The following CCSER1 variants were observed in gnomAD, a reference collection of about 807,000 sequenced individuals.
CCSER1 encodes the protein coiled-coil serine rich protein 1.
In CCSER1, 41 loss-of-function variants were observed where a neutral mutation model predicts 82.0. The observed-to-expected ratio is 0.50, with a 90% confidence interval of 0.39 to 0.65. The LOEUF (loss-of-function observed/expected upper bound fraction) is 0.65. Among genes scored for constraint, CCSER1 ranks in the 30% least tolerant of loss-of-function variants. CCSER1 has a pLI of 0.00. For missense variants in CCSER1, 1,119 were observed against 1,064.2 expected (o/e 1.05, Z -0.72); for synonymous variants, 414 against 383.9 (o/e 1.08, Z -0.92).
At chr4:90,158,338 C>T (rs1728719090) in intron 1 of CCSER1, among the ~76,000 whole-genome samples, 1 of 152,324 alleles carries the variant, frequency 6.6e-6, no homozygotes, top group African/African-American at 2.4e-5. Context: ...CAGGGACCCA[C>T]TTGAGGAGGC....
chr4:90,160,721 G>A (rs1262197740), intron 1 of CCSER1, among the ~76,000 whole-genome samples: 2 of 152,136 alleles, frequency 1.3e-5, no homozygotes, highest in African/African-American at 2.4e-5. Flanking sequence ...ATGCAATGAA[G>A]CCTGATATTG....
At chr4:90,938,683 G>T in intron 9 of CCSER1, 1 of 386,842 alleles carries the variant, frequency 2.6e-6, no homozygotes, top group Non-Finnish European at 5.3e-6. Flanking sequence ...AAGGCCCTGT[G>T]GAATCCTACA....
At chr4:90,551,706 C>CTCTCTCTCTCTATATATATATA in intron 5 of CCSER1, among the ~76,000 whole-genome samples, 61 of 104,222 alleles carry the variant, frequency 5.9e-4, no homozygotes, top group African/African-American at 1.0e-3. Flanking sequence ...CTCTCTCTCT[C>CTCTCTCTCTCTATATATATATA]TATATATATA....
At chr4:90,288,230 T>G (rs574076218) in intron 1 of CCSER1, among the ~76,000 whole-genome samples, 1 of 152,044 alleles carries the variant, frequency 6.6e-6, no homozygotes, top group South Asian at 2.1e-4. Flanking sequence ...ACCTCTAAGT[T>G]CCTGACACTT....
chr4:91,022,633 A>C (rs563176147), intron 9 of CCSER1, among the ~76,000 whole-genome samples: 1,848 of 152,268 alleles, frequency 0.012, 11 homozygotes, highest in Non-Finnish European at 0.018. Flanking sequence ...CCAACAGCGT[A>C]AAAGTGTTCT....
rs536614276 is a variant in CCSER1, at chr4:90,903,501, C to G, written c.2095-19869C>G. ...CATGAAAACAGACTAATATACATAT[C>G]AAGCAACTTCTCAGACCACAGTGCA... On this transcript the variant is annotated intron_variant, in intron 8 of 10. Coordinates refer to ENST00000509176, the MANE Select transcript of CCSER1 (RefSeq NM_001145065.2). Among the ~76,000 whole-genome samples the G allele has an allele frequency of 5.9e-5, 9 of 152,172 alleles. No homozygotes were observed. The East Asian group carries it at 9.7e-4, about 16-fold the overall frequency.
chr4:90,320,942 G>A (rs919344826), intron 3 of CCSER1, among the ~76,000 whole-genome samples: 1 of 151,998 alleles, frequency 6.6e-6, no homozygotes, highest in African/African-American at 2.4e-5. Flanking sequence ...GTACATAATA[G>A]GTGGATATAT....
chr4:90,577,270 C>G (rs1026593224), intron 5 of CCSER1, among the ~76,000 whole-genome samples: 1 of 151,890 alleles, frequency 6.6e-6, no homozygotes, highest in South Asian at 2.1e-4. Context: ...CGATTTTTTT[C>G]CAATATTTAC....
chr4:90,889,279 A>C (rs1408414803), intron 8 of CCSER1, among the ~76,000 whole-genome samples: 1 of 152,176 alleles, frequency 6.6e-6, no homozygotes, highest in Admixed American at 6.5e-5. Context: ...AGAATTAAAA[A>C]GCCTTAATTA....
intron 6 of CCSER1, among the ~76,000 whole-genome samples, chr4:90,682,151 A>T (rs545299008): frequency 6.1e-4 from 93 of 152,018 alleles, no homozygotes; most frequent in Admixed American, 1.4e-3. Context: ...GTGTAGGTAA[A>T]TCATCTTGGA....
At chr4:91,537,577 A>T (rs536710694) in intron 10 of CCSER1, among the ~76,000 whole-genome samples, 1 of 152,016 alleles carries the variant, frequency 6.6e-6, no homozygotes, top group Non-Finnish European at 1.5e-5. Flanking sequence ...GATCTTTTGT[A>T]TTGGTTCGAG....
chr4:91,231,183 T>C (rs1032268906), intron 10 of CCSER1, among the ~76,000 whole-genome samples: 51 of 151,774 alleles, frequency 3.4e-4, no homozygotes, highest in African/African-American at 1.2e-3. Flanking sequence ...ATGGCATACA[T>C]AAAATAAGGG....
chr4:90,431,389 C>T (rs992854352), intron 4 of CCSER1, among the ~76,000 whole-genome samples: 3 of 151,908 alleles, frequency 2.0e-5, no homozygotes, highest in African/African-American at 7.2e-5. Flanking sequence ...TTTATAAATC[C>T]AGGAAAATTC....
chr4:90,884,782 A>C (rs1029163905), intron 8 of CCSER1, among the ~76,000 whole-genome samples: 2 of 152,284 alleles, frequency 1.3e-5, no homozygotes. Flanking sequence ...GGTGAAAAAC[A>C]AACAAATGAG....
intron 6 of CCSER1, among the ~76,000 whole-genome samples, chr4:90,684,511 T>C (rs1734456219): frequency 6.6e-6 from 1 of 152,218 alleles, no homozygotes; most frequent in South Asian, 2.1e-4. Flanking sequence ...CTTTATGCTT[T>C]AAATTATGCT....
chr4:90,768,496 G>A (rs762496343), intron 7 of CCSER1, among the ~76,000 whole-genome samples: 6 of 152,172 alleles, frequency 3.9e-5, no homozygotes, highest in African/African-American at 1.4e-4. Flanking sequence ...TCTGAGTGTA[G>A]GATGCTGCTG....
At chr4:90,657,697 T>A (rs1295407505) in intron 6 of CCSER1, among the ~76,000 whole-genome samples, 4 of 152,216 alleles carry the variant, frequency 2.6e-5, no homozygotes, top group Non-Finnish European at 5.9e-5. Context: ...TTATCATATG[T>A]TTTAGTCCAT....
At chr4:90,760,678 T>C (rs1750287233) in intron 7 of CCSER1, among the ~76,000 whole-genome samples, 1 of 152,094 alleles carries the variant, frequency 6.6e-6, no homozygotes, top group Non-Finnish European at 1.5e-5. Flanking sequence ...AGTCTAGTGA[T>C]TAAAAATACA....
At chr4:91,102,043 T>C (rs1725120141) in intron 10 of CCSER1, among the ~76,000 whole-genome samples, 1 of 152,262 alleles carries the variant, frequency 6.6e-6, no homozygotes, top group South Asian at 2.1e-4. Flanking sequence ...TGGGGGAGAC[T>C]TATGAGGCCT....
Sources: allele counts gnomAD v4.1 joint callset (sites outside exome capture counted in the v4.1 genomes callset), GRCh38; gene constraint gnomAD v4.1.1; transcripts MANE v1.5; gene names NCBI Gene and HGNC (gene_info 2026-07-23, HGNC 2026-07-21).